STK32B: variants seen among roughly 807,000 people sequenced by gnomAD.
STK32B encodes serine/threonine kinase 32B.
A neutral mutation model predicts 52.6 loss-of-function variants in STK32B; 43 were observed. The observed-to-expected ratio is 0.82, with a 90% CI of 0.64 to 1.05. The LOEUF (loss-of-function observed/expected upper bound fraction) is 1.05, where lower values mean the gene tolerates loss of function less well. STK32B is among the 50% of genes least tolerant of loss of function. The pLI, the probability that STK32B is intolerant of heterozygous loss-of-function variation, is 0.00. For synonymous variants in STK32B, 238 were observed against 204.3 expected (o/e 1.17, Z -1.41); for missense variants, 621 against 534.6 (o/e 1.16, Z -1.59).
rs1717716184 is a variant in STK32B, at chr4:5,469,848, A to G, written c.1106+1778A>G. ...GTGAGTGGTTTCGGAGCTTATCCCA[A>G]TTTGCCTGTGGTCCTGCCTGCTCTG... On this transcript the variant is annotated intron_variant, in intron 11 of 11. Transcript: ENST00000282908. The surrounding 1 kb of genome is among the most constrained non-coding windows in gnomAD (Gnocchi z 4.7). 6.6e-6 allele frequency among the ~76,000 whole-genome samples: 1 copy of G among 152,118 alleles called. No homozygotes were observed.
intron 4 of STK32B, among the ~76,000 whole-genome samples, chr4:5,335,969 C>G (rs957632933): frequency 1.3e-4 from 19 of 151,480 alleles, no homozygotes; most frequent in African/African-American, 4.6e-4. Flanking sequence ...ACGCAGACCT[C>G]TTTCCCAACT....
intron 1 of STK32B, among the ~76,000 whole-genome samples, chr4:5,055,050 G>C (rs978808053): frequency 3.3e-5 from 5 of 151,978 alleles, no homozygotes; most frequent in Admixed American, 1.3e-4. Context: ...CGTTAGCTGA[G>C]CCTCCTCCAG....
rs1720626237 is a variant in STK32B, at chr4:5,500,278, T to A, written c.*1195T>A. 1 of 152,204 alleles carries A rather than the reference T, an allele frequency of 6.6e-6. No homozygotes were observed. The highest frequency in any genetic ancestry group is 2.4e-5 in the African/African-American group (1 of 41,456). 9.4% of individuals were successfully genotyped at this position (152,204 alleles called of 1,614,324 possible). A position where few individuals can be genotyped will look rare whatever the true frequency, so the allele number is the denominator to read the frequency against. On this transcript the variant is annotated 3_prime_UTR_variant, in exon 12 of 12. Coordinates refer to ENST00000282908, the MANE Select transcript of STK32B (RefSeq NM_018401.3). ...CTCTGAATGGCAGTTTCCTCATTTT[T>A]AAACAGGGATAATAAAACTAATATT...
rs1278263128 is a variant in STK32B at position 5,223,595 on chromosome 4, C to T, written c.260+55145C>T. Among the ~76,000 whole-genome samples the T allele has an allele frequency of 2.4e-4, 37 of 152,080 alleles. 1 individual carries two copies. The highest frequency in any genetic ancestry group is 2.2e-3 in the Admixed American group (34 of 15,264). On this transcript the variant is annotated intron_variant, in intron 3 of 11. Transcript: ENST00000282908. Reference sequence around the variant, plus strand: ...TTGGGAGGCTGAGGCGGGCGAATCACGAGGTCAGGAGATCGAGACCATCCT... The same window carrying T: ...TTGGGAGGCTGAGGCGGGCGAATCATGAGGTCAGGAGATCGAGACCATCCT...
intron 1 of STK32B, among the ~76,000 whole-genome samples, chr4:5,123,168 C>T (rs951229149): frequency 5.9e-5 from 9 of 152,166 alleles, no homozygotes; most frequent in Non-Finnish European, 8.8e-5. Context: ...ATGTGTCACT[C>T]ATGCCCCAAG....
intron 3 of STK32B, among the ~76,000 whole-genome samples, chr4:5,324,119 C>T (rs1731716463): frequency 6.6e-6 from 1 of 152,162 alleles, no homozygotes; most frequent in Non-Finnish European, 1.5e-5. Flanking sequence ...TTTGGGAGGC[C>T]GATGCAGGAA....
chr4:5,158,450 C>A (rs960321102), intron 2 of STK32B, among the ~76,000 whole-genome samples: 2 of 152,152 alleles, frequency 1.3e-5, no homozygotes, highest in Non-Finnish European at 2.9e-5. Context: ...CCAGAAAGAG[C>A]TCCCCACCCC....
chr4:5,317,097 GATATAAT>G (rs1346870533), intron 3 of STK32B, among the ~76,000 whole-genome samples: 6 of 26,430 alleles, frequency 2.3e-4, no homozygotes, highest in East Asian at 1.5e-3. Context: ...TAATATATAT[GATATAAT>G]ATATAATATA....
intron 5 of STK32B, among the ~76,000 whole-genome samples, chr4:5,407,734 G>A (rs909077640): frequency 6.6e-6 from 1 of 152,008 alleles, no homozygotes; most frequent in African/African-American, 2.4e-5. Context: ...AAACAGCAAG[G>A]GGGAAATCCA....
chr4:5,050,076 A>G (rs1212341401), upstream of STK32B, among the ~76,000 whole-genome samples: 1 of 152,206 alleles, frequency 6.6e-6, no homozygotes, highest in Non-Finnish European at 1.5e-5. Flanking sequence ...GCCTGTCCAC[A>G]TTCCGCCCTA....
chr4:5,416,745 A>T, intron 5 of STK32B, 100 bp from the exon 6 acceptor site: 1 of 873,242 alleles, frequency 1.1e-6, no homozygotes, highest in Non-Finnish European at 1.8e-6. Flanking sequence ...TAGAAGTTCT[A>T]ATGTTTTCTT....
At chr4:5,308,667 T>A (rs1730087967) in intron 3 of STK32B, among the ~76,000 whole-genome samples, 1 of 152,172 alleles carries the variant, frequency 6.6e-6, no homozygotes, top group African/African-American at 2.4e-5. Flanking sequence ...TACTTAATAA[T>A]GTATCCAGAG....
chr4:5,346,904 A>G (rs1040610243), intron 4 of STK32B, among the ~76,000 whole-genome samples: 10 of 152,190 alleles, frequency 6.6e-5, no homozygotes, highest in Non-Finnish European at 5.9e-5. Context: ...AAGGGAAGCA[A>G]GCATGTCTTA....
intron 3 of STK32B, among the ~76,000 whole-genome samples, chr4:5,288,857 A>G (rs1728710383): frequency 6.6e-6 from 1 of 152,230 alleles, no homozygotes; most frequent in Non-Finnish European, 1.5e-5. Flanking sequence ...AGCACAAAAC[A>G]ACTATGTTTT....
intron 3 of STK32B, among the ~76,000 whole-genome samples, chr4:5,278,321 G>A (rs1727971181): frequency 1.3e-5 from 2 of 152,228 alleles, no homozygotes; most frequent in Admixed American, 6.5e-5. Flanking sequence ...AGCCAATGCT[G>A]CAGCTGCCCA....
At chr4:5,224,280 G>C (rs1179554469) in intron 3 of STK32B, among the ~76,000 whole-genome samples, 1 of 152,182 alleles carries the variant, frequency 6.6e-6, no homozygotes, top group Non-Finnish European at 1.5e-5. Flanking sequence ...GATATTAAGA[G>C]GTGATTAAGG....
intron 3 of STK32B, among the ~76,000 whole-genome samples, chr4:5,297,313 A>C (rs1729266406): frequency 6.6e-6 from 1 of 152,080 alleles, no homozygotes; most frequent in Non-Finnish European, 1.5e-5. Context: ...CCTGAATTTG[A>C]ATGTTGGCCT....
intron 4 of STK32B, among the ~76,000 whole-genome samples, chr4:5,339,920 G>T (rs979036406): frequency 6.6e-6 from 1 of 152,122 alleles, no homozygotes; most frequent in African/African-American, 2.4e-5. Context: ...CTGATGTTCA[G>T]TGTTTCCTAT....
At chr4:5,113,535 G>A (rs1020679760) in intron 1 of STK32B, among the ~76,000 whole-genome samples, 4 of 151,796 alleles carry the variant, frequency 2.6e-5, no homozygotes, top group African/African-American at 4.9e-5. Context: ...GTTTATTACA[G>A]AGCATAACCT....
Sources: allele counts gnomAD v4.1 joint callset (sites outside exome capture counted in the v4.1 genomes callset), GRCh38; gene constraint gnomAD v4.1.1; non-coding constraint Gnocchi (gnomAD v3.1); transcripts MANE v1.5; gene names NCBI Gene and HGNC (gene_info 2026-07-23, HGNC 2026-07-21).